Variants in ARHGAP6 observed in about 807,000 individuals in gnomAD.
ARHGAP6 encodes the protein rho GTPase-activating protein 6.
A neutral mutation model predicts 55.7 loss-of-function variants in ARHGAP6; 16 were observed. The observed-to-expected ratio is 0.29, with a 90% confidence interval of 0.19 to 0.44. The LOEUF is 0.44. ARHGAP6 is among the 20% of genes least tolerant of loss of function. The pLI, the probability that ARHGAP6 is intolerant of heterozygous loss-of-function variation, is 1.00. For synonymous variants in ARHGAP6, 382 were observed against 360.9 expected, an observed-to-expected ratio of 1.06 and a Z score of -0.66; for missense variants, 698 against 808.9, an observed-to-expected ratio of 0.86 and a Z score of 1.66.
At chrX:11,627,416 A>G (rs987741596) in intron 1 of ARHGAP6, among the ~76,000 whole-genome samples, 5 of 112,154 alleles carry the variant, frequency 4.5e-5, no homozygotes, top group Non-Finnish European at 5.7e-5. Flanking sequence ...TTATACTCAT[A>G]AAATGGAATA....
chrX:11,590,781 GAA>G (rs1569410678), intron 1 of ARHGAP6, among the ~76,000 whole-genome samples: 1 of 13,274 alleles, frequency 7.5e-5, no homozygotes, highest in African/African-American at 4.5e-4. Flanking sequence ...ATCTCGAAAA[GAA>G]AAGAAAAGAA....
At position 11,342,739 on chromosome X, in the gene ARHGAP6, A is replaced by T. The variant is rs1411966138; in HGVS notation, c.589-88032T>A. On this transcript the variant is annotated intron_variant, in intron 1 of 12. Transcript: ENST00000337414. The stretch of plus-strand genomic sequence containing the variant: ...CCTAACTTTATACTAGTTTAAGAAA[A>T]GTCCATCTAAATTGAGAAAATGTGG... Among the ~76,000 whole-genome samples, 19 of 112,445 alleles carry T rather than the reference A, an allele frequency of 1.7e-4. 1 individual carries two copies.
chrX:11,559,337 T>G (rs2051358868), intron 1 of ARHGAP6, among the ~76,000 whole-genome samples: 1 of 111,342 alleles, frequency 9.0e-6, no homozygotes, highest in African/African-American at 3.3e-5. Flanking sequence ...TCTGCCTGCC[T>G]GGAATGTGTT....
intron 1 of ARHGAP6, among the ~76,000 whole-genome samples, chrX:11,262,077 T>C (rs981377207): frequency 1.8e-5 from 2 of 112,371 alleles, no homozygotes; most frequent in Non-Finnish European, 3.8e-5. Flanking sequence ...TACTATATAT[T>C]CGTTTATATA....
chrX:11,597,068 C>T (rs918240696), intron 1 of ARHGAP6, among the ~76,000 whole-genome samples: 1 of 111,484 alleles, frequency 9.0e-6, no homozygotes, highest in Non-Finnish European at 1.9e-5. Context: ...CACCCTATAC[C>T]CTTTGATTTA....
intron 1 of ARHGAP6, among the ~76,000 whole-genome samples, chrX:11,546,612 A>G (rs1054614782): frequency 9.0e-6 from 1 of 111,680 alleles, no homozygotes; most frequent in Non-Finnish European, 1.9e-5. Flanking sequence ...TCCTATCTCA[A>G]TAGACTATCT....
In ARHGAP6 at chrX:11,176,255, A is replaced by ATATATT. The variant is rs570764448; in HGVS notation, c.1629+1844_1629+1845insAATATA. Reference sequence around the variant, plus strand: ...TGCATATATATATATATATATATATATATATATATTTGCATATATTTATAT... The same window carrying ATATATT: ...TGCATATATATATATATATATATATATATATTTATATATATTTGCATATATTTATAT... On this transcript the variant is annotated intron_variant, in intron 8 of 12. Coordinates refer to ENST00000337414, the MANE Select transcript of ARHGAP6 (RefSeq NM_013427.3). Among the ~76,000 whole-genome samples, 450 of 60,379 alleles carry ATATATT rather than the reference A, an allele frequency of 7.5e-3. 18 individuals carry two copies. The highest frequency in any genetic ancestry group is 0.042 in the Middle Eastern group (5 of 118). 52.4% of individuals were successfully genotyped at this position (60,379 alleles called of 115,157 possible).
At chrX:11,223,346 A>G (rs1033697834) in intron 2 of ARHGAP6, 1 of 138,662 alleles carries the variant, frequency 7.2e-6, no homozygotes, top group African/African-American at 3.2e-5. Flanking sequence ...AATTTCAAAA[A>G]CTATCTTGTA....
At chrX:11,275,668 A>C (rs2047751417) in intron 1 of ARHGAP6, among the ~76,000 whole-genome samples, 1 of 111,575 alleles carries the variant, frequency 9.0e-6, no homozygotes, top group Admixed American at 9.5e-5. Context: ...GAAGTTCTCA[A>C]CTCTGAGGTG....
At chrX:11,305,067 C>T (rs909761778) in intron 1 of ARHGAP6, among the ~76,000 whole-genome samples, 6 of 110,324 alleles carry the variant, frequency 5.4e-5, no homozygotes, top group African/African-American at 1.6e-4. Context: ...ATCACAGGCG[C>T]GAGCCACTGC....
At chrX:11,186,164 A>T in intron 5 of ARHGAP6, 72 bp downstream of exon 5, 1 of 969,049 alleles carries the variant, frequency 1.0e-6, no homozygotes. Flanking sequence ...CAGAATTGAC[A>T]TTGGGTACTT....
chrX:11,532,470 G>A (rs1265298674), intron 1 of ARHGAP6, among the ~76,000 whole-genome samples: 1 of 112,234 alleles, frequency 8.9e-6, no homozygotes, highest in Admixed American at 9.4e-5. Flanking sequence ...CTGGCCAATG[G>A]GATGGTGCTT....
chrX:11,387,569 A>G (rs2049343994), intron 1 of ARHGAP6, among the ~76,000 whole-genome samples: 1 of 111,989 alleles, frequency 8.9e-6, no homozygotes, highest in African/African-American at 3.2e-5. Flanking sequence ...TTTTTTTATT[A>G]TCCTTTAAGT....
At chrX:11,145,886 G>A (rs2045682945) in intron 10 of ARHGAP6, among the ~76,000 whole-genome samples, 1 of 112,493 alleles carries the variant, frequency 8.9e-6, no homozygotes, top group Non-Finnish European at 1.9e-5. Context: ...ATTTTTTAAA[G>A]AATCCCTCCA....
In ARHGAP6 at chrX:11,156,588, C is replaced by G. The variant is rs1415006673; in HGVS notation, c.1848G>C (p.Leu616=). 1 of 1,211,453 alleles carries G rather than the reference C, an allele frequency of 8.3e-7. No homozygotes were observed. Among genetic ancestry groups the G allele is most frequent in the African/African-American group, 1.7e-5 (1 of 57,913 alleles). ...CCACGACATCAGGATCGGTCTCTAACAGGCTGATCAGCACTTCGTTCTGGA... is the reference window on the plus strand; with the variant it reads ...CCACGACATCAGGATCGGTCTCTAAGAGGCTGATCAGCACTTCGTTCTGGA... ...PDLQNEVLIS[L]LETDPDVVDY... Residue 616 remains leucine (L), a synonymous_variant, in exon 10 of 13, where the codon CTG becomes CTC. Transcript: ENST00000337414.
chrX:11,174,573 C>CTTTCT (rs1555964685), intron 8 of ARHGAP6, among the ~76,000 whole-genome samples: 2 of 42,285 alleles, frequency 4.7e-5, no homozygotes, highest in African/African-American at 1.9e-4. Context: ...TTCCTTCCTT[C>CTTTCT]CTTTCTTTCT....
At chrX:11,631,758 G>T (rs758957905) in intron 1 of ARHGAP6, among the ~76,000 whole-genome samples, 3 of 111,843 alleles carry the variant, frequency 2.7e-5, no homozygotes, top group African/African-American at 9.7e-5. Context: ...CTATAAAAGC[G>T]CCAAAGCTGC....
intron 1 of ARHGAP6, among the ~76,000 whole-genome samples, chrX:11,395,510 T>G (rs987457104): frequency 5.3e-5 from 6 of 112,158 alleles, no homozygotes; most frequent in Admixed American, 1.9e-4. Context: ...TTGTGGCGGA[T>G]TCCAGGGTAC....
chrX:11,187,517 A>G (rs970933720), intron 4 of ARHGAP6, among the ~76,000 whole-genome samples: 2 of 112,314 alleles, frequency 1.8e-5, no homozygotes, highest in African/African-American at 6.5e-5. Context: ...TAGAAGAACA[A>G]TTCCATCATG....
Sources: gnomAD v4.1 joint callset for allele counts (sites outside exome capture counted in the v4.1 genomes callset) on GRCh38, gnomAD v4.1.1 for gene constraint, MANE v1.5 for transcripts, NCBI Gene and HGNC (gene_info 2026-07-23, HGNC 2026-07-21) for gene names.